RAD54L2: variants seen among roughly 807,000 people sequenced by gnomAD.
RAD54L2 encodes RAD54 like 2.
A neutral mutation model predicts 138.4 loss-of-function variants in RAD54L2; 27 were observed. The observed-to-expected ratio is 0.20, with a 90% CI of 0.14 to 0.27. The LOEUF is 0.27. Ranked by LOEUF, RAD54L2 falls within the 10% of genes least tolerant of loss-of-function variation. The pLI, the probability that RAD54L2 is intolerant of heterozygous loss-of-function variation, is 1.00. For synonymous variants in RAD54L2, 644 were observed against 723.2 expected (o/e 0.89, Z 1.76); for missense variants, 1,396 against 1,890.2 (o/e 0.74, Z 4.85).
intron 2 of RAD54L2, among the ~76,000 whole-genome samples, chr3:51,558,165 T>C: frequency 6.6e-6 from 1 of 152,102 alleles, no homozygotes; most frequent in East Asian, 1.9e-4. Context: ...ATGAATCTTA[T>C]CAAGTCTGGC....
intron 2 of RAD54L2, among the ~76,000 whole-genome samples, chr3:51,560,013 C>G (rs1337916691): frequency 6.6e-6 from 1 of 152,176 alleles, no homozygotes; most frequent in African/African-American, 2.4e-5. Context: ...TGAATCCTCA[C>G]AGCACAGAGC....
chr3:51,645,543 A>G lies in RAD54L2; in HGVS notation c.2657-48A>G. ...ACTTTTCATTATTAGTGACCTTTACAGTTTTTAATGCCATGTGCTGACTTT... is the reference window on the plus strand; with the variant it reads ...ACTTTTCATTATTAGTGACCTTTACGGTTTTTAATGCCATGTGCTGACTTT... On this transcript the variant is annotated intron_variant, in intron 17 of 22. Transcript: ENST00000684192. The surrounding 1 kb of genome is among the most constrained non-coding windows in gnomAD (Gnocchi z 6.1). 6.6e-7 allele frequency: 1 copy of G among 1,519,732 alleles called. No individual in the cohort carries two copies. The highest frequency in any genetic ancestry group is 8.9e-7 in the Non-Finnish European group (1 of 1,123,450). The allele number at this position is 1,519,732 out of a possible 1,614,324, so 94.1% of individuals were successfully genotyped here.
At chr3:51,576,432 C>T (rs1577398595) in intron 2 of RAD54L2, among the ~76,000 whole-genome samples, 1 of 152,260 alleles carries the variant, frequency 6.6e-6, no homozygotes, top group South Asian at 2.1e-4. Flanking sequence ...GTACCAGCTC[C>T]TCTTTGTACC....
At chr3:51,557,840 A>G (rs1360470216) in intron 2 of RAD54L2, among the ~76,000 whole-genome samples, 1 of 150,840 alleles carries the variant, frequency 6.6e-6, no homozygotes, top group Non-Finnish European at 1.5e-5. Flanking sequence ...CAAAAAAAAA[A>G]AAAAAAAAAA....
intron 2 of RAD54L2, among the ~76,000 whole-genome samples, chr3:51,546,953 C>T (rs541635038): frequency 1.3e-3 from 192 of 151,144 alleles, no homozygotes; most frequent in Non-Finnish European, 2.1e-3. Flanking sequence ...CGCTTGAATC[C>T]GGGAGGCAAA....
At chr3:51,587,775 G>A (rs954842680) in intron 2 of RAD54L2, among the ~76,000 whole-genome samples, 2 of 152,182 alleles carry the variant, frequency 1.3e-5, no homozygotes, top group South Asian at 4.1e-4. Context: ...ATTATCTGAA[G>A]CTTAGTAAGA....
At chr3:51,594,766 G>A (rs1224356964) in intron 3 of RAD54L2, among the ~76,000 whole-genome samples, 1 of 151,598 alleles carries the variant, frequency 6.6e-6, no homozygotes, top group Non-Finnish European at 1.5e-5. Context: ...ACACAAGAGG[G>A]GTAATCACCA....
intron 3 of RAD54L2, among the ~76,000 whole-genome samples, chr3:51,596,136 TG>T: frequency 6.8e-4 from 1 of 1,476 alleles, no homozygotes; most frequent in Non-Finnish European, 1.9e-3. Context: ...CCATGTTGGC[TG>T]GGCTGGTCTC....
chr3:51,563,191 C>T (rs1304357197), intron 2 of RAD54L2, among the ~76,000 whole-genome samples: 2 of 152,046 alleles, frequency 1.3e-5, no homozygotes, highest in Non-Finnish European at 2.9e-5. Flanking sequence ...CAGAGACCAC[C>T]AAAGCTTCCA....
At chr3:51,631,003 T>G in intron 7 of RAD54L2, 72 bp downstream of exon 7, 1 of 1,438,860 alleles carries the variant, frequency 6.9e-7, no homozygotes, top group Non-Finnish European at 9.6e-7. Context: ...TGCTGGTGGT[T>G]ATTAGCGTCA....
chr3:51,552,361 C>G (rs1156601960), intron 2 of RAD54L2, among the ~76,000 whole-genome samples: 4 of 151,718 alleles, frequency 2.6e-5, no homozygotes, highest in African/African-American at 9.7e-5. Context: ...CTCCCGGGTT[C>G]ATGCCATTCT....
At chr3:51,569,882 T>C (rs1699297540) in intron 2 of RAD54L2, among the ~76,000 whole-genome samples, 1 of 152,156 alleles carries the variant, frequency 6.6e-6, no homozygotes, top group African/African-American at 2.4e-5. Context: ...CTCTGTTGGC[T>C]GGAGTGCAGT....
At chr3:51,572,679 C>G (rs1161296252) in intron 2 of RAD54L2, among the ~76,000 whole-genome samples, 2 of 149,120 alleles carry the variant, frequency 1.3e-5, no homozygotes, top group African/African-American at 4.9e-5. Context: ...TGCACTGTCA[C>G]CCAGGCTCGA....
At chr3:51,589,081 C>A (rs529551339) in intron 2 of RAD54L2, among the ~76,000 whole-genome samples, 1 of 152,246 alleles carries the variant, frequency 6.6e-6, no homozygotes, top group African/African-American at 2.4e-5. Context: ...ATAGCACCTG[C>A]GATTATATAC....
intron 2 of RAD54L2, among the ~76,000 whole-genome samples, chr3:51,560,045 TGTACAGATGA>T (rs1398957907): frequency 2.8e-4 from 42 of 152,214 alleles, no homozygotes; most frequent in African/African-American, 8.7e-4. Context: ...TTATGCCAGT[TGTACAGATGA>T]GAAACTAAGT....
At chr3:51,598,585 T>C (rs1317640618) in intron 3 of RAD54L2, among the ~76,000 whole-genome samples, 1 of 151,952 alleles carries the variant, frequency 6.6e-6, no homozygotes, top group East Asian at 1.9e-4. Context: ...TGAAACCCTG[T>C]CTCTACTAAA....
intron 2 of RAD54L2, among the ~76,000 whole-genome samples, chr3:51,570,612 A>C (rs1019408747): frequency 4.7e-5 from 7 of 148,682 alleles, no homozygotes; most frequent in Non-Finnish European, 7.4e-5. Flanking sequence ...GCGCGCCACC[A>C]CACCCAGCTA....
intron 3 of RAD54L2, among the ~76,000 whole-genome samples, chr3:51,616,191 TC>T (rs1461187117): frequency 6.6e-6 from 1 of 152,150 alleles, no homozygotes; most frequent in Non-Finnish European, 1.5e-5. Context: ...TGTATAGTCA[TC>T]CTACTGATCT....
chr3:51,598,175 GTGTATA>G (rs1700011831), intron 3 of RAD54L2, among the ~76,000 whole-genome samples: 2 of 143,202 alleles, frequency 1.4e-5, no homozygotes, highest in East Asian at 4.0e-4. Flanking sequence ...GTGTGTGTGT[GTGTATA>G]TATATATATA....
Sources: allele counts gnomAD v4.1 joint callset (sites outside exome capture counted in the v4.1 genomes callset), GRCh38; gene constraint gnomAD v4.1.1; non-coding constraint Gnocchi (gnomAD v3.1); transcripts MANE v1.5; gene names NCBI Gene and HGNC (gene_info 2026-07-23, HGNC 2026-07-21).